Variants in TRIP12 observed in about 807,000 individuals in gnomAD.
TRIP12 encodes thyroid hormone receptor interactor 12, also known as E3 ubiquitin-protein ligase TRIP12.
In TRIP12, 25 loss-of-function variants were observed where a neutral mutation model predicts 244.2. That is an observed-to-expected ratio of 0.10 (90% confidence interval 0.07 to 0.14). The LOEUF is 0.14. TRIP12 is among the 10% of genes least tolerant of loss of function. The probability of loss-of-function intolerance (pLI) is 1.00; values close to 1 mark genes in which losing one functional copy is unlikely to be tolerated. For missense variants in TRIP12, 1,677 were observed against 2,486.4 expected (o/e 0.67, Z 6.92); for synonymous variants, 905 against 873.1 (o/e 1.04, Z -0.64).
In TRIP12 at chr2:229,797,823, A is replaced by C; in HGVS notation, c.3491T>G (p.Ile1164Ser). The C allele has an allele frequency of 6.2e-7, 1 of 1,613,190 alleles. No individual in the cohort carries two copies. The highest frequency in any genetic ancestry group is 8.5e-7 in the Non-Finnish European group (1 of 1,179,622). The change falls in exon 24 of 42, where the codon ATT becomes AGT. Residue 1164 changes from isoleucine to serine, a missense_variant. By Grantham distance (142) the Ile-to-Ser change is moderately radical. Transcript: ENST00000675903. ...TGCCTGCTCCTTAATCCAACCTTTA[A>C]TTTTTTCTCTACAAGAAACAAAAAG... ...KDTISNNREK[I>S]KGWIKEQAHK...
chr2:229,902,822 A>G (rs1443109611), intron 1 of TRIP12, among the ~76,000 whole-genome samples: 1 of 152,210 alleles, frequency 6.6e-6, no homozygotes, highest in Non-Finnish European at 1.5e-5. Flanking sequence ...AAGAAAATAG[A>G]GCATGCATAA....
intron 6 of TRIP12, among the ~76,000 whole-genome samples, chr2:229,831,791 T>C (rs1466209492): frequency 1.3e-5 from 2 of 151,752 alleles, no homozygotes; most frequent in Non-Finnish European, 2.9e-5. Context: ...ATTATAAATC[T>C]GAACAGGAAG....
chr2:229,901,013 A>C (rs2070614478), intron 1 of TRIP12, among the ~76,000 whole-genome samples: 1 of 150,074 alleles, frequency 6.7e-6, no homozygotes, highest in South Asian at 2.1e-4. Context: ...GGCTCACTGC[A>C]ACCTCCGTCT....
chr2:229,792,917 G>C (rs1253267385), intron 27 of TRIP12, 56 bp downstream of exon 27: 68 of 1,528,080 alleles, frequency 4.5e-5, no homozygotes, highest in Non-Finnish European at 5.9e-5. Context: ...AACTCTTAAT[G>C]TAAATTTCTC....
intron 5 of TRIP12, among the ~76,000 whole-genome samples, chr2:229,837,978 C>A (rs1172134708): frequency 2.0e-5 from 3 of 152,066 alleles, no homozygotes; most frequent in Non-Finnish European, 2.9e-5. Context: ...ATACTTCCCC[C>A]AAAATTATTC....
intron 37 of TRIP12, among the ~76,000 whole-genome samples, chr2:229,777,008 T>C (rs1426352066): frequency 6.6e-6 from 1 of 152,184 alleles, no homozygotes; most frequent in East Asian, 1.9e-4. Context: ...CTGACTCAAA[T>C]GCTAAAAGAT....
At chr2:229,917,700 C>T (rs1341863938) in intron 1 of TRIP12, among the ~76,000 whole-genome samples, 5 of 152,044 alleles carry the variant, frequency 3.3e-5, no homozygotes, top group African/African-American at 1.2e-4. Flanking sequence ...AGAAAGCATT[C>T]TGAAGAATCT....
rs2059747133 is a variant in TRIP12 at position 229,857,264 on chromosome 2, T to A, written c.1027+1508A>T. ...AGCTTCCTAATTAGGTATTATAAAA[T>A]TAAAATGCTTTTAAAAATTGTAGAG... On this transcript the variant is annotated intron_variant, in intron 4 of 41. Transcript: ENST00000675903. 2.0e-5 allele frequency among the ~76,000 whole-genome samples: 3 copies of A among 152,186 alleles called. No individual in the cohort carries two copies. In the South Asian group the frequency reaches 6.2e-4, roughly 32 times the overall value.
In TRIP12 at chr2:229,864,064, G is replaced by C. The variant is rs561917776; in HGVS notation, c.99-3533C>G. Among the ~76,000 whole-genome samples the C allele has an allele frequency of 2.5e-3, 373 of 151,494 alleles. 1 individual carries two copies. Among genetic ancestry groups the C allele is most frequent in the African/African-American group, 8.6e-3 (354 of 40,928 alleles). On this transcript the variant is annotated intron_variant, in intron 2 of 41. Transcript: ENST00000675903. Reference sequence around the variant, plus strand: ...AGAGAGAGAGTGTGTGTGTGTGTGTGTGTGTGTGTGTGTGCACGCGCACAC... The same window carrying C: ...AGAGAGAGAGTGTGTGTGTGTGTGTCTGTGTGTGTGTGTGCACGCGCACAC...
intron 2 of TRIP12, among the ~76,000 whole-genome samples, chr2:229,868,277 C>G (rs2061921080): frequency 6.6e-6 from 1 of 152,204 alleles, no homozygotes; most frequent in African/African-American, 2.4e-5. Context: ...TCTTGGCTTA[C>G]TGCAGCCTCA....
chr2:229,889,249 G>T (rs2066771809), intron 1 of TRIP12, among the ~76,000 whole-genome samples: 1 of 152,146 alleles, frequency 6.6e-6, no homozygotes, highest in African/African-American at 2.4e-5. Flanking sequence ...AAGCAAAGAA[G>T]AAAGGAGGTA....
chr2:229,768,580 GGTA>G, intron 41 of TRIP12, 33 bp downstream of exon 41: 1 of 1,595,790 alleles, frequency 6.3e-7, no homozygotes, highest in Non-Finnish European at 8.5e-7. Flanking sequence ...CCCACCCATA[GGTA>G]GAATAAATGC....
At chr2:229,800,973 T>C (rs139480868) in intron 21 of TRIP12, among the ~76,000 whole-genome samples, 204 of 152,282 alleles carry the variant, frequency 1.3e-3, no homozygotes, top group African/African-American at 4.5e-3. Flanking sequence ...AATACTGCAA[T>C]TGTCTGAACT....
chr2:229,879,738 C>A (rs1031769534), intron 2 of TRIP12, among the ~76,000 whole-genome samples: 4 of 152,184 alleles, frequency 2.6e-5, no homozygotes, highest in Non-Finnish European at 5.9e-5. Flanking sequence ...ACATGACACA[C>A]CACATGCTAA....
intron 8 of TRIP12, among the ~76,000 whole-genome samples, chr2:229,822,057 T>C (rs2050197475): frequency 6.6e-6 from 1 of 152,192 alleles, no homozygotes; most frequent in African/African-American, 2.4e-5. Flanking sequence ...CAAGAATCAC[T>C]TGAACTCGGG....
Position 229,769,926 on chromosome 2 carries a change from A to G in TRIP12, c.5809-601T>C, listed in dbSNP as rs150104044. Reference sequence around the variant, plus strand: ...TGTCCTTATACTTTGAGAAAATCCAATTTGAGGCCAATGAAATTTAATATC... The same window carrying G: ...TGTCCTTATACTTTGAGAAAATCCAGTTTGAGGCCAATGAAATTTAATATC... On this transcript the variant is annotated intron_variant, in intron 39 of 41. Transcript: ENST00000675903. 4.4e-3 allele frequency among the ~76,000 whole-genome samples: 665 copies of G among 152,306 alleles called. 3 individuals carry two copies. Among genetic ancestry groups the G allele is most frequent in the Non-Finnish European group, 6.4e-3 (436 of 68,032 alleles).
chr2:229,804,611 T>A (rs928016296), intron 18 of TRIP12, among the ~76,000 whole-genome samples: 1 of 152,214 alleles, frequency 6.6e-6, no homozygotes, highest in Non-Finnish European at 1.5e-5. Context: ...AAAAGCTTTG[T>A]AAAATGGATA....
intron 34 of TRIP12, among the ~76,000 whole-genome samples, chr2:229,780,690 T>G (rs2037847790): frequency 6.6e-6 from 1 of 152,194 alleles, no homozygotes; most frequent in Non-Finnish European, 1.5e-5. Context: ...ACGCAATGAC[T>G]TGCCTCCACT....
chr2:229,914,797 T>C (rs1326952209), intron 1 of TRIP12, among the ~76,000 whole-genome samples: 1 of 152,186 alleles, frequency 6.6e-6, no homozygotes, highest in Non-Finnish European at 1.5e-5. Context: ...GAAGGCTTGT[T>C]GATGGACACT....
Sources: gnomAD v4.1 joint callset for allele counts (sites outside exome capture counted in the v4.1 genomes callset) on GRCh38, gnomAD v4.1.1 for gene constraint, MANE v1.5 for transcripts, NCBI Gene and HGNC (gene_info 2026-07-23, HGNC 2026-07-21) for gene names.